Variants in TWSG1 observed in about 807,000 individuals in gnomAD.
TWSG1 encodes twisted gastrulation BMP signaling modulator 1.
A neutral mutation model predicts 23.0 loss-of-function variants in TWSG1; 15 were observed. That is an observed-to-expected ratio of 0.65 (90% CI 0.44 to 1.00). TWSG1 has a LOEUF of 1.00. Ranked by LOEUF, TWSG1 falls within the 50% of genes least tolerant of loss-of-function variation. The probability of loss-of-function intolerance (pLI) is 0.00; values close to 1 mark genes in which losing one functional copy is unlikely to be tolerated. For missense variants in TWSG1, 242 were observed against 278.7 expected, an observed-to-expected ratio of 0.87 and a Z score of 0.94; for synonymous variants, 86 against 92.8, an observed-to-expected ratio of 0.93 and a Z score of 0.42.
chr18:9,376,535 A>G (rs1029268143), intron 3 of TWSG1, among the ~76,000 whole-genome samples: 3 of 152,200 alleles, frequency 2.0e-5, no homozygotes, highest in Non-Finnish European at 2.9e-5. Context: ...GGATTTAGCC[A>G]ACTGCAGATC....
At chr18:9,360,657 A>G (rs1051632681) in intron 3 of TWSG1, among the ~76,000 whole-genome samples, 7 of 152,206 alleles carry the variant, frequency 4.6e-5, no homozygotes, top group East Asian at 1.9e-4. Context: ...GCATGCTCCT[A>G]TAATTGTTGT....
chr18:9,390,454 C>T (rs1173367124), intron 3 of TWSG1, among the ~76,000 whole-genome samples: 2 of 152,264 alleles, frequency 1.3e-5, no homozygotes, highest in South Asian at 2.1e-4. Context: ...AGCCACTGCG[C>T]CCAGCCTTCT....
At chr18:9,351,622 GTTT>G (rs71168051) in intron 2 of TWSG1, among the ~76,000 whole-genome samples, 8 of 116,574 alleles carry the variant, frequency 6.9e-5, no homozygotes, top group East Asian at 5.0e-4. Flanking sequence ...ACCATGCTGG[GTTT>G]TTTTTTTTTT....
intron 3 of TWSG1, among the ~76,000 whole-genome samples, chr18:9,374,193 A>G (rs1487139265): frequency 1.3e-5 from 2 of 152,240 alleles, no homozygotes; most frequent in South Asian, 2.1e-4. Context: ...AATACAAATT[A>G]GAGTAGAAAT....
chr18:9,376,841 A>AG (rs1310245204), intron 3 of TWSG1, among the ~76,000 whole-genome samples: 12 of 151,962 alleles, frequency 7.9e-5, no homozygotes, highest in Middle Eastern at 3.4e-3. Context: ...CCAAAAAAAA[A>AG]AAAAAAAAAG....
intron 2 of TWSG1, among the ~76,000 whole-genome samples, chr18:9,347,311 A>G (rs2040481797): frequency 6.6e-6 from 1 of 152,208 alleles, no homozygotes; most frequent in Admixed American, 6.5e-5. Flanking sequence ...GCAGAGCAGA[A>G]GTTTAAAATT....
intron 2 of TWSG1, among the ~76,000 whole-genome samples, chr18:9,358,744 A>G (rs770323699): frequency 3.3e-5 from 5 of 152,204 alleles, no homozygotes; most frequent in African/African-American, 4.8e-5. Flanking sequence ...ATGGAACACT[A>G]TAGAAGCGAT....
intron 2 of TWSG1, among the ~76,000 whole-genome samples, chr18:9,338,077 G>T (rs1033294491): frequency 6.6e-6 from 1 of 152,178 alleles, no homozygotes; most frequent in Non-Finnish European, 1.5e-5. Context: ...CTAGTTGCAG[G>T]CTGTGCACTC....
At chr18:9,350,459 C>G (rs1250385129) in intron 2 of TWSG1, among the ~76,000 whole-genome samples, 1 of 152,156 alleles carries the variant, frequency 6.6e-6, no homozygotes, top group Non-Finnish European at 1.5e-5. Flanking sequence ...CCCATTTACC[C>G]ATTACTCAGC....
Position 9,396,300 on chromosome 18 carries a change from T to C in TWSG1, c.244T>C (p.Tyr82His). The change falls in exon 4 of 5, where the codon TAT becomes CAT. Residue 82 changes from tyrosine (Y) to histidine (H), a missense_variant. Coordinates refer to ENST00000262120, the MANE Select transcript of TWSG1 (RefSeq NM_020648.6). ...CCCAGGTATGTGTAATCCTCGAAATTATAGTGACACACCTCCAACTTCAAA... is the reference window on the plus strand; with the variant it reads ...CCCAGGTATGTGTAATCCTCGAAATCATAGTGACACACCTCCAACTTCAAA... ...DCVGMCNPRN[Y>H]SDTPPTSKST... 1 of 1,614,110 alleles carries C rather than the reference T, an allele frequency of 6.2e-7. No individual in the cohort carries two copies. The highest frequency in any genetic ancestry group is 8.5e-7 in the Non-Finnish European group (1 of 1,180,018).
At chr18:9,380,519 C>T (rs1002931036) in intron 3 of TWSG1, among the ~76,000 whole-genome samples, 1 of 152,178 alleles carries the variant, frequency 6.6e-6, no homozygotes, top group African/African-American at 2.4e-5. Context: ...GCCATGATAA[C>T]TGTTACTCTT....
At chr18:9,394,187 G>A (rs1273302611) in intron 3 of TWSG1, among the ~76,000 whole-genome samples, 1 of 152,328 alleles carries the variant, frequency 6.6e-6, no homozygotes, top group Middle Eastern at 3.4e-3. Context: ...TAAAGAAAAT[G>A]TGGTATTTAT....
At position 9,399,719 on chromosome 18, in the gene TWSG1, T is replaced by C; in HGVS notation, c.*192T>C. Reference sequence around the variant, plus strand: ...ATATAACTGTTCTTACTGATTTTATTGCCCCCTAGCAATAAGCCCTTTCCT... The same window carrying C: ...ATATAACTGTTCTTACTGATTTTATCGCCCCCTAGCAATAAGCCCTTTCCT... On this transcript the variant is annotated 3_prime_UTR_variant, in exon 5 of 5. Coordinates refer to ENST00000262120, the MANE Select transcript of TWSG1 (RefSeq NM_020648.6). The C allele has an allele frequency of 2.0e-6, 1 of 503,294 alleles. No individual in the cohort carries two copies. Among genetic ancestry groups the C allele is most frequent in the South Asian group, 3.4e-5 (1 of 29,250 alleles). 31.2% of individuals were successfully genotyped at this position (503,294 alleles called of 1,614,324 possible).
At chr18:9,395,218 C>T (rs1346868414) in intron 3 of TWSG1, among the ~76,000 whole-genome samples, 1 of 152,204 alleles carries the variant, frequency 6.6e-6, no homozygotes, top group East Asian at 1.9e-4. Context: ...TTCTTGGCAA[C>T]ATCACCACCT....
chr18:9,335,219 G>A (rs2040416947), intron 1 of TWSG1, among the ~76,000 whole-genome samples: 1 of 152,162 alleles, frequency 6.6e-6, no homozygotes, highest in Admixed American at 6.5e-5. Context: ...CGGGTGCCCG[G>A]TCCCCCACAC....
chr18:9,344,659 G>T (rs1034925902), intron 2 of TWSG1, among the ~76,000 whole-genome samples: 17 of 151,256 alleles, frequency 1.1e-4, no homozygotes, highest in African/African-American at 3.9e-4. Context: ...CTCCCAAGTA[G>T]CTGGGACTAT....
intron 3 of TWSG1, among the ~76,000 whole-genome samples, chr18:9,381,580 A>G (rs2040656547): frequency 6.6e-6 from 1 of 152,242 alleles, no homozygotes; most frequent in African/African-American, 2.4e-5. Context: ...AAAGCCATCT[A>G]GCATCTACTG....
chr18:9,346,067 G>A (rs2040475813), intron 2 of TWSG1, among the ~76,000 whole-genome samples: 2 of 152,072 alleles, frequency 1.3e-5, no homozygotes, highest in Admixed American at 1.3e-4. Context: ...AATGCATAAT[G>A]TCTTGTATCT....
intron 3 of TWSG1, among the ~76,000 whole-genome samples, chr18:9,378,686 T>C (rs1042138228): frequency 6.6e-6 from 1 of 152,082 alleles, no homozygotes; most frequent in Non-Finnish European, 1.5e-5. Context: ...TAAATGGTCA[T>C]ACTAGCCAGG....
Sources: allele counts gnomAD v4.1 joint callset (sites outside exome capture counted in the v4.1 genomes callset), GRCh38; gene constraint gnomAD v4.1.1; transcripts MANE v1.5; gene names NCBI Gene and HGNC (gene_info 2026-07-23, HGNC 2026-07-21).